Variants in EDA observed in about 807,000 individuals in gnomAD.
EDA encodes ectodysplasin-A.
EDA carries 2 observed loss-of-function variants against 23.6 expected under a neutral mutation model. The ratio of observed to expected loss-of-function variants is 0.08; its 90% CI spans 0.03 to 0.27. The LOEUF (loss-of-function observed/expected upper bound fraction) is 0.27. Ranked by LOEUF, EDA falls within the 10% of genes least tolerant of loss-of-function variation. The pLI is 1.00. For synonymous variants in EDA, 131 were observed against 132.0 expected (o/e 0.99, Z 0.05); for missense variants, 229 against 324.2 (o/e 0.71, Z 2.26).
intron 1 of EDA, among the ~76,000 whole-genome samples, chrX:69,754,812 A>G (rs777495383): frequency 5.5e-4 from 62 of 111,835 alleles, no homozygotes; most frequent in African/African-American, 1.7e-3. Flanking sequence ...TTGATCTTCA[A>G]TCACTGATAC....
intron 1 of EDA, among the ~76,000 whole-genome samples, chrX:69,848,220 G>T (rs953836824): frequency 4.5e-5 from 5 of 111,660 alleles, no homozygotes; most frequent in Non-Finnish European, 7.5e-5. Context: ...TTCATGAAAA[G>T]TTTACCACAT....
chrX:69,652,999 T>G (rs1231525482), intron 1 of EDA, among the ~76,000 whole-genome samples: 1 of 111,789 alleles, frequency 8.9e-6, no homozygotes, highest in African/African-American at 3.3e-5. Context: ...AAGTAGTTTT[T>G]TCCAATCTGT....
At chrX:69,802,220 A>T (rs1489971136) in intron 1 of EDA, among the ~76,000 whole-genome samples, 4 of 110,255 alleles carry the variant, frequency 3.6e-5, no homozygotes, top group African/African-American at 1.3e-4. Flanking sequence ...ATAGATGAAT[A>T]TCACAAGCAT....
chrX:69,938,208 G>A (rs1357618828), intron 1 of EDA, among the ~76,000 whole-genome samples: 1 of 110,688 alleles, frequency 9.0e-6, no homozygotes. Context: ...GACACCTCTC[G>A]CCCAGCAAGG....
At chrX:69,988,921 C>T (rs758086554) in intron 2 of EDA, among the ~76,000 whole-genome samples, 1 of 111,574 alleles carries the variant, frequency 9.0e-6, no homozygotes, top group African/African-American at 3.3e-5. Flanking sequence ...ACTTTTCCCT[C>T]AGCCCCTGGT....
At chrX:69,684,887 T>A (rs1934493603) in intron 1 of EDA, among the ~76,000 whole-genome samples, 1 of 112,570 alleles carries the variant, frequency 8.9e-6, no homozygotes, top group African/African-American at 3.2e-5. Flanking sequence ...TAGCTGTATA[T>A]CTCTGCCCAC....
At position 69,625,208 on chromosome X, in the gene EDA, G is replaced by A. The variant is rs746921318; in HGVS notation, c.396+8504G>A. ...AATACAATTTCATAAAGCAATGGTA[G>A]GGTTAATCATAGGATGATGTAGAGC... On this transcript the variant is annotated intron_variant, in intron 1 of 7. Coordinates refer to ENST00000374552, the MANE Select transcript of EDA (RefSeq NM_001399.5). Among the ~76,000 whole-genome samples the A allele has an allele frequency of 3.6e-5, 4 of 111,009 alleles. No homozygotes were observed. The East Asian group carries it at 8.5e-4, about 24-fold the overall frequency.
intron 1 of EDA, among the ~76,000 whole-genome samples, chrX:69,648,226 G>T (rs998804823): frequency 8.9e-6 from 1 of 111,880 alleles, no homozygotes; most frequent in Admixed American, 9.4e-5. Context: ...GAGCAGGTGT[G>T]TTGTATTTCG....
intron 1 of EDA, among the ~76,000 whole-genome samples, chrX:69,676,605 C>G (rs1315874161): frequency 1.8e-5 from 2 of 110,117 alleles, no homozygotes; most frequent in Admixed American, 1.9e-4. Flanking sequence ...TAATTTTCAC[C>G]TGGGCTGTAT....
chrX:69,700,021 G>A (rs187932633), intron 1 of EDA, among the ~76,000 whole-genome samples: 52 of 110,872 alleles, frequency 4.7e-4, no homozygotes, highest in Admixed American at 3.7e-3. Flanking sequence ...GTTGTGAGCC[G>A]TCGGGTTTGC....
At chrX:69,870,446 CAG>C (rs772201631) in intron 1 of EDA, among the ~76,000 whole-genome samples, 12 of 110,885 alleles carry the variant, frequency 1.1e-4, no homozygotes, top group African/African-American at 3.9e-4. Context: ...TAGAGGCAAA[CAG>C]AGATGTTGGG....
chrX:69,651,604 A>C (rs1933107674), intron 1 of EDA, among the ~76,000 whole-genome samples: 1 of 111,361 alleles, frequency 9.0e-6, no homozygotes, highest in Non-Finnish European at 1.9e-5. Flanking sequence ...AATAGTATCC[A>C]TTTGTTTATT....
chrX:69,741,978 A>G (rs2013473477), intron 1 of EDA, among the ~76,000 whole-genome samples: 1 of 111,917 alleles, frequency 8.9e-6, no homozygotes, highest in South Asian at 3.7e-4. Flanking sequence ...CCCTGGGGAA[A>G]ACATCTGCAT....
At chrX:69,897,420 G>A (rs1406311262) in intron 1 of EDA, among the ~76,000 whole-genome samples, 3 of 111,887 alleles carry the variant, frequency 2.7e-5, no homozygotes, top group African/African-American at 9.7e-5. Context: ...AGAGAGAAAA[G>A]GGAGAAACTT....
chrX:69,989,758 T>C (rs72628845), intron 2 of EDA, among the ~76,000 whole-genome samples: 8,558 of 108,279 alleles, frequency 0.079, 705 homozygotes, highest in East Asian at 0.62. Flanking sequence ...AATAGTAGAG[T>C]GGAGATAGCA....
chrX:69,834,021 C>G (rs1228510072), intron 1 of EDA, among the ~76,000 whole-genome samples: 2 of 97,388 alleles, frequency 2.1e-5, no homozygotes, highest in Non-Finnish European at 4.0e-5. Flanking sequence ...TCTCATTATT[C>G]AATTCCCACC....
chrX:69,795,794 A>T lies in EDA; in HGVS notation c.397-161233A>T, dbSNP rs72628836. Among the ~76,000 whole-genome samples the T allele has an allele frequency of 2.5e-4, 28 of 112,364 alleles. No homozygotes were observed. The East Asian group carries it at 7.4e-3, about 30-fold the overall frequency. The stretch of plus-strand genomic sequence containing the variant: ...GTACCACTCCCAACCTGAACATTTC[A>T]CCATGGGCCTGGGGATCACCTCACC... On this transcript the variant is annotated intron_variant, in intron 1 of 7. Transcript: ENST00000374552.
At chrX:69,761,758 G>C (rs2014315229) in intron 1 of EDA, among the ~76,000 whole-genome samples, 1 of 111,677 alleles carries the variant, frequency 9.0e-6, no homozygotes, top group African/African-American at 3.3e-5. Flanking sequence ...TTTAATATCT[G>C]CTTTTTATAC....
chrX:69,743,741 G>C (rs764205746), intron 1 of EDA, among the ~76,000 whole-genome samples: 1 of 111,897 alleles, frequency 8.9e-6, no homozygotes, highest in East Asian at 2.8e-4. Flanking sequence ...GTTCAACCTA[G>C]GTAAGTAAAT....
Sources: allele counts gnomAD v4.1 joint callset (sites outside exome capture counted in the v4.1 genomes callset), GRCh38; gene constraint gnomAD v4.1.1; transcripts MANE v1.5; gene names NCBI Gene and HGNC (gene_info 2026-07-23, HGNC 2026-07-21).